Variants in RBM17 observed in about 807,000 individuals in gnomAD.
The protein encoded by RBM17 is splicing factor 45.
In RBM17, 7 loss-of-function variants were observed where a neutral mutation model predicts 53.2. The ratio of observed to expected loss-of-function variants is 0.13; its 90% confidence interval spans 0.07 to 0.25. The LOEUF (loss-of-function observed/expected upper bound fraction) is 0.25, where lower values mean the gene tolerates loss of function less well. Ranked by LOEUF, RBM17 falls within the 10% of genes least tolerant of loss-of-function variation. The pLI, the probability that RBM17 is intolerant of heterozygous loss-of-function variation, is 1.00. For synonymous variants in RBM17, 167 were observed against 178.1 expected (o/e 0.94, Z 0.50); for missense variants, 257 against 496.7 (o/e 0.52, Z 4.59).
chr10:6,114,283 TTC>T (rs1840882111), intron 10 of RBM17, 136 bp downstream of exon 10: 2 of 562,708 alleles, frequency 3.6e-6, no homozygotes, highest in African/African-American at 3.8e-5. Flanking sequence ...TTATTTGTAC[TTC>T]TCTTGCTCAA....
At chr10:6,090,275 C>G (rs1444258589) in intron 1 of RBM17, among the ~76,000 whole-genome samples, 1 of 152,352 alleles carries the variant, frequency 6.6e-6, no homozygotes, top group Non-Finnish European at 1.5e-5. Context: ...TAGATGTGCA[C>G]TGGCTCCCCG....
intron 5 of RBM17, chr10:6,108,391 C>T: frequency 4.9e-6 from 2 of 412,304 alleles, no homozygotes; most frequent in South Asian, 9.6e-5. Flanking sequence ...ACTGCTGGTT[C>T]TCTTGGTTGT....
Position 6,115,551 on chromosome 10 carries a change from G to A in RBM17, c.1201G>A (p.Val401Ile). ...CAGGGTCTTGGATTTGGCAGAACAA[G>A]TTTGATTTTAAGAACTAGAGCACGA... ...KFRVLDLAEQV is the reference protein window; with the variant it reads ...KFRVLDLAEQI Residue 401 changes from valine to isoleucine, a missense_variant, in exon 12 of 12, where the codon GTT becomes ATT. Coordinates refer to ENST00000379888, the MANE Select transcript of RBM17 (RefSeq NM_032905.5). The A allele has an allele frequency of 1.9e-6, 3 of 1,601,884 alleles. No individual in the cohort carries two copies. Among genetic ancestry groups the A allele is most frequent in the Non-Finnish European group, 2.6e-6 (3 of 1,169,312 alleles).
chr10:6,107,039 T>C (rs1840758438), intron 5 of RBM17, among the ~76,000 whole-genome samples: 1 of 152,236 alleles, frequency 6.6e-6, no homozygotes, highest in Non-Finnish European at 1.5e-5. Context: ...AAAATGATCA[T>C]GGAAGTATTT....
At chr10:6,098,580 T>C (rs1211627332) in intron 2 of RBM17, among the ~76,000 whole-genome samples, 1 of 124,504 alleles carries the variant, frequency 8.0e-6, no homozygotes, top group Non-Finnish European at 1.7e-5. Flanking sequence ...TTTTTTTTTT[T>C]TTTTTTTTTT....
At chr10:6,113,445 G>T (rs982555544) in intron 8 of RBM17, 63 bp from the exon 9 acceptor site, 4 of 1,116,326 alleles carry the variant, frequency 3.6e-6, no homozygotes. Flanking sequence ...ACTCAGTTCT[G>T]TAACACATCT....
At chr10:6,095,584 C>T (rs535685562) in intron 1 of RBM17, among the ~76,000 whole-genome samples, 1 of 152,188 alleles carries the variant, frequency 6.6e-6, no homozygotes, top group Admixed American at 6.5e-5. Flanking sequence ...GCTTTCCCTG[C>T]TTCTCTACGG....
chr10:6,108,372 T>A (rs1322063702), intron 5 of RBM17: 1 of 379,578 alleles, frequency 2.6e-6, no homozygotes, highest in Non-Finnish European at 4.7e-6. Context: ...ATTACTCTCT[T>A]TTTAAGTAAC....
chr10:6,098,202 CA>C (rs796955697), intron 2 of RBM17, among the ~76,000 whole-genome samples: 41 of 152,274 alleles, frequency 2.7e-4, no homozygotes, highest in African/African-American at 8.2e-4. Context: ...TCCCCCCAAA[CA>C]GAGCGAATAT....
intron 5 of RBM17, among the ~76,000 whole-genome samples, chr10:6,107,138 C>T (rs1840760449): frequency 6.6e-6 from 1 of 152,212 alleles, no homozygotes; most frequent in African/African-American, 2.4e-5. Context: ...AATGCATGGA[C>T]ACTGGCTTTA....
intron 1 of RBM17, among the ~76,000 whole-genome samples, chr10:6,091,029 A>ACTTATATATT (rs1554834366): frequency 4.2e-5 from 6 of 141,726 alleles, no homozygotes; most frequent in African/African-American, 2.6e-5. Context: ...ATTTATATAT[A>ACTTATATATT]TTTATATATT....
Position 6,093,025 on chromosome 10 carries a change from A to G in RBM17, c.-19+3832A>G, listed in dbSNP as rs12266363. Among the ~76,000 whole-genome samples, 632 of 152,272 alleles carry G rather than the reference A, an allele frequency of 4.2e-3. 2 individuals carry two copies. The highest frequency in any genetic ancestry group is 0.014 in the African/African-American group (598 of 41,550). ...ATTAATTCACTATTTAATTTTTGCT[A>G]AATATTGAATCTATTGATGGAAGAA... On this transcript the variant is annotated intron_variant, in intron 1 of 11. Coordinates refer to ENST00000379888, the MANE Select transcript of RBM17 (RefSeq NM_032905.5).
intron 6 of RBM17, 130 bp from the exon 7 acceptor site, chr10:6,109,856 G>T: frequency 4.6e-6 from 3 of 656,756 alleles, no homozygotes; most frequent in Non-Finnish European, 4.8e-6. Context: ...AAATTGATTT[G>T]GTGTTTTTCT....
chr10:6,101,527 C>T, intron 3 of RBM17, 140 bp downstream of exon 3: 1 of 444,242 alleles, frequency 2.3e-6, no homozygotes, highest in East Asian at 3.5e-5. Flanking sequence ...CTAATTTTTA[C>T]TTCTGTTTTG....
In RBM17 at chr10:6,101,329, G is replaced by A; in HGVS notation, c.182G>A (p.Gly61Asp). Residue 61 changes from glycine to aspartate, a missense_variant, in exon 3 of 12, where the codon GGC (glycine) becomes GAC (aspartate). Transcript: ENST00000379888. ...CCAGTCATTGACCTGAAGCGAGGTG[G>A]CTCCTCAGATGACCGGCAAATTGTG... ...LAPVIDLKRG[G>D]SSDDRQIVDT... The A allele has an allele frequency of 6.2e-7, 1 of 1,613,638 alleles. No homozygotes were observed. The highest frequency in any genetic ancestry group is 8.5e-7 in the Non-Finnish European group (1 of 1,179,910).
chr10:6,111,272 T>G lies in RBM17; in HGVS notation c.705-938T>G, dbSNP rs556221334. Among the ~76,000 whole-genome samples, 30 of 152,290 alleles carry G rather than the reference T, an allele frequency of 2.0e-4. 1 individual carries two copies. In the East Asian group the frequency reaches 5.4e-3, roughly 27 times the overall value. The stretch of plus-strand genomic sequence containing the variant: ...AGAGCGCAGTGTGAGAGCCATTTGG[T>G]TGTTACAGAAAGCAGTGACTGAGAG... On this transcript the variant is annotated intron_variant, in intron 7 of 11. Transcript: ENST00000379888.
Position 6,111,385 on chromosome 10 carries a change from G to A in RBM17, c.705-825G>A, listed in dbSNP as rs146816888. ...GATGGAGTCTCGCTCTGTCGCCCAG[G>A]CTGGAGTGCAGTGGTGCGATCTCGC... On this transcript the variant is annotated intron_variant, in intron 7 of 11. Transcript: ENST00000379888. Among the ~76,000 whole-genome samples the A allele has an allele frequency of 3.9e-3, 590 of 152,334 alleles. 5 individuals carry two copies. The highest frequency in any genetic ancestry group is 0.013 in the African/African-American group (560 of 41,574).
At chr10:6,101,205 T>C (rs1032183120) in intron 2 of RBM17, 66 bp from the exon 3 acceptor site, 7 of 975,200 alleles carry the variant, frequency 7.2e-6, no homozygotes, top group Middle Eastern at 2.6e-4. Context: ...AGAAAATCTT[T>C]GTTGCAAACA....
chr10:6,111,539 C>A (rs1262623531), intron 7 of RBM17, among the ~76,000 whole-genome samples: 1 of 152,190 alleles, frequency 6.6e-6, no homozygotes, highest in African/African-American at 2.4e-5. Flanking sequence ...GAGGTTTCAC[C>A]ATGTTGGCCA....
Sources: gnomAD v4.1 joint callset for allele counts (sites outside exome capture counted in the v4.1 genomes callset) on GRCh38, gnomAD v4.1.1 for gene constraint, MANE v1.5 for transcripts, NCBI Gene and HGNC (gene_info 2026-07-23, HGNC 2026-07-21) for gene names.